CFDP1: variants seen among roughly 807,000 people sequenced by gnomAD.
CFDP1 encodes chromatin remodeling protein CFDP1, also known as heterochromatin-stabilizing protein CFDP1.
In CFDP1, 31 loss-of-function variants were observed where a neutral mutation model predicts 40.1. The ratio of observed to expected loss-of-function variants is 0.77; its 90% CI spans 0.58 to 1.04. The LOEUF is 1.04. Ranked by LOEUF, CFDP1 falls within the 50% of genes least tolerant of loss-of-function variation. CFDP1 has a pLI of 0.00. For missense variants in CFDP1, 423 were observed against 343.4 expected (o/e 1.23, Z -1.83); for synonymous variants, 167 against 120.0 (o/e 1.39, Z -2.56).
intron 1 of CFDP1, among the ~76,000 whole-genome samples, chr16:75,429,517 G>T (rs2079384266): frequency 6.6e-6 from 1 of 152,178 alleles, no homozygotes; most frequent in African/African-American, 2.4e-5. Context: ...AGCTGGGTGT[G>T]GTGGTGGGCA....
At chr16:75,349,986 T>C (rs544241350) in intron 5 of CFDP1, among the ~76,000 whole-genome samples, 1 of 152,040 alleles carries the variant, frequency 6.6e-6, no homozygotes, top group Non-Finnish European at 1.5e-5. Context: ...ATTCGGTTTT[T>C]CATGATTAAG....
At chr16:75,376,105 A>G (rs1470878479) in intron 5 of CFDP1, among the ~76,000 whole-genome samples, 1 of 152,062 alleles carries the variant, frequency 6.6e-6, no homozygotes, top group East Asian at 1.9e-4. Flanking sequence ...CAGCTACTCG[A>G]GAGGCTGAGG....
At chr16:75,414,923 C>T (rs2079191662) in intron 1 of CFDP1, among the ~76,000 whole-genome samples, 1 of 152,146 alleles carries the variant, frequency 6.6e-6, no homozygotes, top group African/African-American at 2.4e-5. Flanking sequence ...CTCTATTTCC[C>T]CTCCAAAACT....
intron 1 of CFDP1, among the ~76,000 whole-genome samples, chr16:75,418,194 G>A (rs896733839): frequency 1.3e-4 from 17 of 131,612 alleles, no homozygotes; most frequent in Middle Eastern, 4.2e-3. Flanking sequence ...CGGAGGTTGC[G>A]ATGAGCTGAG....
chr16:75,309,213 G>A (rs1211191503), intron 5 of CFDP1, among the ~76,000 whole-genome samples: 2 of 152,122 alleles, frequency 1.3e-5, no homozygotes, highest in Non-Finnish European at 2.9e-5. Context: ...GGGTTTCAGT[G>A]TCCTAATCCT....
At chr16:75,294,352 C>A (rs1420348900) in intron 6 of CFDP1, among the ~76,000 whole-genome samples, 2 of 152,320 alleles carry the variant, frequency 1.3e-5, no homozygotes, top group East Asian at 3.9e-4. Flanking sequence ...GGTTCAAGTC[C>A]TAGCTCTAGC....
chr16:75,321,105 G>A (rs2078360085), intron 5 of CFDP1, among the ~76,000 whole-genome samples: 1 of 151,892 alleles, frequency 6.6e-6, no homozygotes, highest in South Asian at 2.1e-4. Flanking sequence ...TCAGCTAACA[G>A]CTAATACTTT....
chr16:75,297,195 T>TGTGTGTGTGTGTGTG (rs1491320265), intron 6 of CFDP1, among the ~76,000 whole-genome samples: 161 of 150,010 alleles, frequency 1.1e-3, no homozygotes, highest in Admixed American at 1.6e-3. Flanking sequence ...TGTGTGTGTG[T>TGTGTGTGTGTGTGTG]TTTTAGTAGA....
chr16:75,323,784 A>G (rs1030049383), intron 5 of CFDP1, among the ~76,000 whole-genome samples: 2 of 151,982 alleles, frequency 1.3e-5, no homozygotes, highest in African/African-American at 4.8e-5. Flanking sequence ...TGTCTCAAAA[A>G]AAAAAAAAAA....
intron 1 of CFDP1, among the ~76,000 whole-genome samples, chr16:75,420,889 T>G (rs1597402684): frequency 6.6e-6 from 1 of 152,246 alleles, no homozygotes. Context: ...CTGCATTTTC[T>G]AATTTTCTAT....
chr16:75,339,185 T>C (rs2078509876), intron 5 of CFDP1, among the ~76,000 whole-genome samples: 1 of 152,110 alleles, frequency 6.6e-6, no homozygotes, highest in Non-Finnish European at 1.5e-5. Context: ...TCTGTCAGCC[T>C]TTCTATCTCT....
chr16:75,414,864 G>A (rs2079191178), intron 1 of CFDP1, among the ~76,000 whole-genome samples, 169 bp from the exon 2 acceptor site: 2 of 151,456 alleles, frequency 1.3e-5, no homozygotes, highest in South Asian at 2.1e-4. Context: ...AGTCTTCTCT[G>A]CCCCTGAAGA....
intron 5 of CFDP1, among the ~76,000 whole-genome samples, chr16:75,316,364 C>T (rs1038319325): frequency 2.0e-5 from 3 of 152,202 alleles, no homozygotes; most frequent in Admixed American, 6.5e-5. Flanking sequence ...ATAACGTCTT[C>T]GGCTACGTCT....
chr16:75,376,634 G>A (rs917462883), intron 5 of CFDP1, among the ~76,000 whole-genome samples: 3 of 152,156 alleles, frequency 2.0e-5, no homozygotes. Context: ...CTGGAGTGAC[G>A]GAATCATACT....
chr16:75,415,015 T>C (rs1440921406), intron 1 of CFDP1, among the ~76,000 whole-genome samples: 1 of 152,222 alleles, frequency 6.6e-6, no homozygotes, highest in Non-Finnish European at 1.5e-5. Flanking sequence ...TTGTGACTTT[T>C]AAGTATTCAC....
chr16:75,343,674 T>C (rs2078542192), intron 5 of CFDP1, among the ~76,000 whole-genome samples: 1 of 152,162 alleles, frequency 6.6e-6, no homozygotes, highest in South Asian at 2.1e-4. Flanking sequence ...AAAAAGAAAC[T>C]AGGCAGTAAG....
chr16:75,342,371 T>C (rs1359820978), intron 5 of CFDP1, among the ~76,000 whole-genome samples: 1 of 152,214 alleles, frequency 6.6e-6, no homozygotes, highest in Non-Finnish European at 1.5e-5. Context: ...AAAGTCAGTA[T>C]AACAGGAACT....
intron 1 of CFDP1, among the ~76,000 whole-genome samples, chr16:75,418,707 G>A: frequency 7.1e-6 from 1 of 141,450 alleles, no homozygotes; most frequent in African/African-American, 2.7e-5. Flanking sequence ...TCAAAGTTGA[G>A]ACCATTTACC....
In CFDP1 at chr16:75,412,551, G is replaced by C. The variant is rs1476383789; in HGVS notation, c.386C>G (p.Pro129Arg). The change falls in exon 3 of 7, where the codon CCA (proline) becomes CGA (arginine). Residue 129 changes from proline (P) to arginine (R), a missense_variant. Transcript: ENST00000283882. ...NDVGPKSKVP[P>R]STQVKKGEET... Reference sequence around the variant, plus strand: ...TCAACTTACCTTAACTTGTGTACTTGGGGGCACTTTTGATTTTGGTCCCAC... The same window carrying C: ...TCAACTTACCTTAACTTGTGTACTTCGGGGCACTTTTGATTTTGGTCCCAC... 6.2e-7 allele frequency: 1 copy of C among 1,613,644 alleles called. No individual in the cohort carries two copies.
Sources: allele counts gnomAD v4.1 joint callset (sites outside exome capture counted in the v4.1 genomes callset), GRCh38; gene constraint gnomAD v4.1.1; transcripts MANE v1.5; gene names NCBI Gene and HGNC (gene_info 2026-07-23, HGNC 2026-07-21).